The following IARS2 variants were observed in gnomAD, a reference collection of about 807,000 sequenced individuals.
The protein encoded by IARS2 is isoleucine--tRNA ligase, mitochondrial.
A neutral mutation model predicts 126.3 loss-of-function variants in IARS2; 56 were observed. That is an observed-to-expected ratio of 0.44 (90% CI 0.36 to 0.55). The LOEUF (loss-of-function observed/expected upper bound fraction) is 0.55. Among genes scored for constraint, IARS2 ranks in the 20% least tolerant of loss-of-function variants. The pLI is 0.00. For synonymous variants in IARS2, 407 were observed against 441.1 expected, an observed-to-expected ratio of 0.92 and a Z score of 0.97; for missense variants, 1,127 against 1,245.9, an observed-to-expected ratio of 0.90 and a Z score of 1.44.
chr1:220,098,961 C>G (rs1160986436), intron 2 of IARS2, among the ~76,000 whole-genome samples: 1 of 151,950 alleles, frequency 6.6e-6, no homozygotes, highest in Non-Finnish European at 1.5e-5. Flanking sequence ...GCCTGTAATC[C>G]CAGCACTTTG....
intron 14 of IARS2, among the ~76,000 whole-genome samples, chr1:220,133,418 T>C (rs1657309213): frequency 6.6e-6 from 1 of 152,202 alleles, no homozygotes; most frequent in African/African-American, 2.4e-5. Flanking sequence ...ATATAACAAG[T>C]GCTCAGTAAT....
intron 11 of IARS2, among the ~76,000 whole-genome samples, chr1:220,113,793 A>G (rs1422334582): frequency 6.6e-6 from 1 of 152,176 alleles, no homozygotes; most frequent in Admixed American, 6.5e-5. Flanking sequence ...TACAGGTTTG[A>G]ACCACATACT....
chr1:220,117,883 C>G (rs749489380), intron 12 of IARS2: 1 of 526,964 alleles, frequency 1.9e-6, no homozygotes, highest in South Asian at 1.4e-5. Flanking sequence ...AGAATATTGG[C>G]CTAAAGAAAT....
rs763842646 is a variant in IARS2, at chr1:220,143,112, G to T, written c.2729G>T (p.Gly910Val). The T allele has an allele frequency of 6.2e-7, 1 of 1,613,654 alleles. No homozygotes were observed. The highest frequency in any genetic ancestry group is 2.2e-5 in the East Asian group (1 of 44,872). ...AAGGTTATCACTGTGATAGAACCTG[G>T]ACTGCTTTTTGAGATAATAGAGGTA... ...EYKVITVIEPGLLFEIIEMLQ... is the reference protein window; with the variant it reads ...EYKVITVIEPVLLFEIIEMLQ... Residue 910 changes from glycine to valine, a missense_variant, in exon 21 of 23, where the codon GGA (glycine) becomes GTA (valine). Gly to Val is a moderately radical substitution (Grantham distance 109, BLOSUM62 -3). Transcript: ENST00000366922.
intron 17 of IARS2, 123 bp from the exon 18 acceptor site, chr1:220,138,884 TG>T: frequency 1.2e-6 from 1 of 868,758 alleles, no homozygotes; most frequent in South Asian, 1.9e-5. Context: ...TAGTCTTATT[TG>T]GAATGATAAT....
chr1:220,124,937 GTT>G (rs1657121715), intron 12 of IARS2, among the ~76,000 whole-genome samples: 1 of 152,206 alleles, frequency 6.6e-6, no homozygotes, highest in Non-Finnish European at 1.5e-5. Context: ...GAATGTGTTG[GTT>G]TAATTTAGGC....
In IARS2 at chr1:220,141,834, C is replaced by T. The variant is rs532672867; in HGVS notation, c.2446C>T (p.Arg816Ter). The change falls in exon 20 of 23, where the codon CGA (arginine) becomes TGA (stop). Residue 816 changes from arginine (R) to a stop codon, truncating the protein, a stop_gained. Coordinates refer to ENST00000366922, the MANE Select transcript of IARS2 (RefSeq NM_018060.4). LOFTEE classifies it high-confidence loss of function. ...TTGTGAAAAGGAAAATGACCCCAAA[C>T]GACGCTCTTGTCAGACTGCATTAGT... ...LYCEKENDPKRRSCQTALVEI... is the reference protein window; with the variant it reads ...LYCEKENDPK 5.6e-6 allele frequency: 9 copies of T among 1,614,102 alleles called. No individual in the cohort carries two copies. The highest frequency in any genetic ancestry group is 2.2e-5 in the East Asian group (1 of 44,860).
intron 8 of IARS2, among the ~76,000 whole-genome samples, chr1:220,104,333 A>C (rs1363294327): frequency 6.6e-6 from 1 of 152,106 alleles, no homozygotes; most frequent in African/African-American, 2.4e-5. Flanking sequence ...ACTGCTTTGA[A>C]ATATAATTAT....
intron 13 of IARS2, among the ~76,000 whole-genome samples, chr1:220,125,969 C>T (rs1205863344): frequency 4.1e-5 from 6 of 147,954 alleles, no homozygotes; most frequent in Non-Finnish European, 7.5e-5. Context: ...TAGCTGGGTG[C>T]GATGGTGGGC....
chr1:220,108,341 C>T (rs1001354088), intron 10 of IARS2, among the ~76,000 whole-genome samples: 1 of 151,320 alleles, frequency 6.6e-6, no homozygotes, highest in Non-Finnish European at 1.5e-5. Context: ...GAATTACAGG[C>T]GTGAGCCCTC....
At chr1:220,124,677 G>C (rs1171722572) in intron 12 of IARS2, among the ~76,000 whole-genome samples, 2 of 152,204 alleles carry the variant, frequency 1.3e-5, no homozygotes, top group Non-Finnish European at 2.9e-5. Context: ...GCTCTAATAT[G>C]GCATTGCATC....
rs1465779257 is a variant in IARS2, at chr1:220,133,732, G to A, written c.1838-670G>A. On this transcript the variant is annotated intron_variant, in intron 14 of 22. Coordinates refer to ENST00000366922, the MANE Select transcript of IARS2 (RefSeq NM_018060.4). ...ATGCTCTTCATCTAGATTTCCCAAC[G>A]TTAACATTAACATTTTGCTACAGTT... is the stretch of plus-strand genomic sequence containing the variant. Among the ~76,000 whole-genome samples, 6 of 152,004 alleles carry A rather than the reference G, an allele frequency of 3.9e-5. No individual in the cohort carries two copies. The East Asian group carries it at 5.8e-4, about 15-fold the overall frequency.
At chr1:220,099,586 G>A (rs528361926) in intron 2 of IARS2, among the ~76,000 whole-genome samples, 3 of 152,274 alleles carry the variant, frequency 2.0e-5, no homozygotes, top group African/African-American at 7.2e-5. Flanking sequence ...ATAGACTAGT[G>A]CCAGAAACCA....
chr1:220,108,388 A>G (rs1270405112), intron 10 of IARS2, among the ~76,000 whole-genome samples: 1 of 143,582 alleles, frequency 7.0e-6, no homozygotes, highest in Non-Finnish European at 1.5e-5. Flanking sequence ...TTTTTATTTT[A>G]TTTTTATTTT....
At chr1:220,140,392 G>A (rs1657462077) in intron 19 of IARS2, 103 bp downstream of exon 19, 1 of 692,132 alleles carries the variant, frequency 1.4e-6, no homozygotes. Flanking sequence ...GATGACATGA[G>A]GCCAGGAGTT....
intron 13 of IARS2, among the ~76,000 whole-genome samples, chr1:220,126,545 A>G (rs1472641900): frequency 6.6e-6 from 1 of 152,214 alleles, no homozygotes; most frequent in Non-Finnish European, 1.5e-5. Context: ...ATTGGTAAAT[A>G]TGTAATTCAG....
chr1:220,109,930 T>C (rs1485112663), intron 10 of IARS2, among the ~76,000 whole-genome samples: 1 of 152,244 alleles, frequency 6.6e-6, no homozygotes, highest in Non-Finnish European at 1.5e-5. Context: ...CATCTTTTCT[T>C]TGACGTGAAA....
At chr1:220,137,743 G>GT (rs1276197786) in intron 16 of IARS2, 175 bp from the exon 17 acceptor site, 11 of 629,552 alleles carry the variant, frequency 1.7e-5, no homozygotes, top group Non-Finnish European at 2.7e-5. Context: ...TTCCAGTTTT[G>GT]TTTTTAGATA....
intron 10 of IARS2, among the ~76,000 whole-genome samples, chr1:220,110,016 G>C (rs907232339): frequency 6.6e-6 from 1 of 152,140 alleles, no homozygotes; most frequent in African/African-American, 2.4e-5. Context: ...GAGAATCCCA[G>C]AGCACGCCTT....
Sources: gnomAD v4.1 joint callset for allele counts (sites outside exome capture counted in the v4.1 genomes callset) on GRCh38, gnomAD v4.1.1 for gene constraint, MANE v1.5 for transcripts, NCBI Gene and HGNC (gene_info 2026-07-23, HGNC 2026-07-21) for gene names.